PTPRD: variants seen among roughly 807,000 people sequenced by gnomAD.
PTPRD encodes the protein protein tyrosine phosphatase receptor type D, also known as receptor-type tyrosine-protein phosphatase delta.
A neutral mutation model predicts 214.5 loss-of-function variants in PTPRD; 34 were observed. That is an observed-to-expected ratio of 0.16 (90% CI 0.12 to 0.21). PTPRD has a LOEUF of 0.21. PTPRD is among the 10% of genes least tolerant of loss of function. PTPRD has a pLI of 1.00. For missense variants in PTPRD, 2,545 were observed against 2,398.7 expected (o/e 1.06, Z -1.27); for synonymous variants, 1,128 against 845.7 (o/e 1.33, Z -5.79).
chr9:8,969,452 G>A (rs911448836), intron 11 of PTPRD, among the ~76,000 whole-genome samples: 1 of 151,992 alleles, frequency 6.6e-6, no homozygotes, highest in Admixed American at 6.6e-5. Flanking sequence ...TTGTGTTATT[G>A]AAGAGTTAGA....
intron 7 of PTPRD, among the ~76,000 whole-genome samples, chr9:9,646,968 G>A (rs975263962): frequency 6.6e-6 from 1 of 152,144 alleles, no homozygotes; most frequent in Non-Finnish European, 1.5e-5. Flanking sequence ...GGTGCAGGGG[G>A]CTCATATAGA....
chr9:10,512,876 G>A (rs931507109), intron 2 of PTPRD, among the ~76,000 whole-genome samples: 1 of 149,654 alleles, frequency 6.7e-6, no homozygotes, highest in Non-Finnish European at 1.5e-5. Flanking sequence ...AGTTGAAACT[G>A]TCCATGTGGT....
Position 10,245,580 on chromosome 9 carries a change from T to C in PTPRD, c.-545+95383A>G, listed in dbSNP as rs1045921271. 7.9e-5 allele frequency among the ~76,000 whole-genome samples: 12 copies of C among 152,296 alleles called. 1 individual carries two copies. The highest frequency in any genetic ancestry group is 7.9e-4 in the Admixed American group (12 of 15,282). On this transcript the variant is annotated intron_variant, in intron 3 of 45. Transcript: ENST00000381196. ...TTCATTCATTAGACAATGCACACTT[T>C]GAAAGACAAAGAAGTGACTTGCTTC...
At chr9:9,069,821 G>A (rs542962882) in intron 10 of PTPRD, among the ~76,000 whole-genome samples, 3 of 152,168 alleles carry the variant, frequency 2.0e-5, no homozygotes, top group Non-Finnish European at 2.9e-5. Flanking sequence ...TGGAAGAGGA[G>A]CAGTATAAAA....
At chr9:10,062,318 T>G (rs2154170278) in intron 3 of PTPRD, among the ~76,000 whole-genome samples, 1 of 152,068 alleles carries the variant, frequency 6.6e-6, no homozygotes, top group African/African-American at 2.4e-5. Context: ...AAATTATTGG[T>G]TTTCAGCCAG....
At chr9:9,434,149 G>A (rs926510094) in intron 8 of PTPRD, among the ~76,000 whole-genome samples, 1 of 152,058 alleles carries the variant, frequency 6.6e-6, no homozygotes, top group Non-Finnish European at 1.5e-5. Flanking sequence ...GAGTCCTAGA[G>A]TAAAAACTGA....
chr9:9,368,714 A>G (rs2058575307), intron 9 of PTPRD, among the ~76,000 whole-genome samples: 1 of 151,846 alleles, frequency 6.6e-6, no homozygotes, highest in Admixed American at 6.6e-5. Flanking sequence ...AAATATTCCT[A>G]TTTTTAGGGT....
intron 33 of PTPRD, among the ~76,000 whole-genome samples, chr9:8,459,191 G>A (rs1168532666): frequency 6.6e-6 from 1 of 152,066 alleles, no homozygotes; most frequent in African/African-American, 2.4e-5. Context: ...AAGGGAGCTA[G>A]ATGGGTAGGA....
chr9:9,006,249 A>T (rs902159963), intron 11 of PTPRD, among the ~76,000 whole-genome samples: 1 of 151,978 alleles, frequency 6.6e-6, no homozygotes, highest in African/African-American at 2.4e-5. Flanking sequence ...CTATTATTCT[A>T]GGTCCTCCTA....
intron 11 of PTPRD, among the ~76,000 whole-genome samples, chr9:8,882,242 A>T (rs1372479402): frequency 5.3e-5 from 8 of 152,304 alleles, no homozygotes; most frequent in Non-Finnish European, 8.8e-5. Flanking sequence ...CTCCTGGATT[A>T]GATTTATTTT....
chr9:8,811,681 CTCA>C (rs1042204673), intron 11 of PTPRD, among the ~76,000 whole-genome samples: 8 of 151,704 alleles, frequency 5.3e-5, no homozygotes, highest in African/African-American at 1.9e-4. Flanking sequence ...AGTATATATT[CTCA>C]ACATATGTGC....
intron 10 of PTPRD, among the ~76,000 whole-genome samples, chr9:9,047,347 C>T (rs1321706088): frequency 1.3e-5 from 2 of 151,936 alleles, no homozygotes; most frequent in South Asian, 4.1e-4. Flanking sequence ...TCTATAGATT[C>T]AATGCAATCT....
At chr9:9,392,822 AATCTCCT>A (rs2066351109) in intron 9 of PTPRD, among the ~76,000 whole-genome samples, 1 of 152,104 alleles carries the variant, frequency 6.6e-6, no homozygotes, top group Non-Finnish European at 1.5e-5. Flanking sequence ...CTTCACTTTC[AATCTCCT>A]CAGGGAGGGA....
intron 4 of PTPRD, among the ~76,000 whole-genome samples, chr9:9,964,352 G>C (rs756499529): frequency 3.3e-5 from 5 of 152,284 alleles, no homozygotes; most frequent in East Asian, 1.9e-4. Flanking sequence ...GACAGGTGCA[G>C]GTCATGGTGT....
chr9:10,199,186 TA>T (rs905977455), intron 3 of PTPRD, among the ~76,000 whole-genome samples: 6 of 152,094 alleles, frequency 3.9e-5, no homozygotes, highest in African/African-American at 1.4e-4. Context: ...ATTTATTTTA[TA>T]ATGTATATTT....
rs990551526 is a variant in PTPRD, at chr9:10,052,212, T to G, written c.-544-18422A>C. ...ATCTGATCTTCATATAGCACCATCA[T>G]ATGCCTCAAGGGCTGCTTCACCTGC... On this transcript the variant is annotated intron_variant, in intron 3 of 45. Transcript: ENST00000381196. Among the ~76,000 whole-genome samples, 4 of 152,170 alleles carry G rather than the reference T, an allele frequency of 2.6e-5. No individual in the cohort carries two copies. The East Asian group carries it at 7.7e-4, about 29-fold the overall frequency.
intron 3 of PTPRD, among the ~76,000 whole-genome samples, chr9:10,307,626 C>T (rs917699266): frequency 6.6e-6 from 1 of 151,944 alleles, no homozygotes; most frequent in Non-Finnish European, 1.5e-5. Context: ...GAGAAATATC[C>T]ATACTGTTTT....
chr9:8,360,921 A>T (rs1428670102), intron 39 of PTPRD, among the ~76,000 whole-genome samples: 1 of 152,176 alleles, frequency 6.6e-6, no homozygotes, highest in East Asian at 1.9e-4. Context: ...TGACTACAGA[A>T]ATTCACCCCC....
At chr9:8,859,347 T>C (rs993940986) in intron 11 of PTPRD, among the ~76,000 whole-genome samples, 2 of 152,186 alleles carry the variant, frequency 1.3e-5, no homozygotes, top group Admixed American at 6.5e-5. Context: ...ACTGTGTGTA[T>C]TGTTAGCTAA....
Sources: gnomAD v4.1 joint callset for allele counts (sites outside exome capture counted in the v4.1 genomes callset) on GRCh38, gnomAD v4.1.1 for gene constraint, MANE v1.5 for transcripts, NCBI Gene and HGNC (gene_info 2026-07-23, HGNC 2026-07-21) for gene names.